COL6A1: variants seen among roughly 807,000 people sequenced by gnomAD.
The protein encoded by COL6A1 is collagen type VI alpha 1 chain.
COL6A1 carries 80 observed loss-of-function variants against 145.6 expected under a neutral mutation model. That is an observed-to-expected ratio of 0.55 (90% CI 0.46 to 0.66). The LOEUF (loss-of-function observed/expected upper bound fraction) is 0.66. Among genes scored for constraint, COL6A1 ranks in the 30% least tolerant of loss-of-function variants. The pLI is 0.00. For synonymous variants in COL6A1, 638 were observed against 622.8 expected (o/e 1.02, Z -0.36); for missense variants, 1,364 against 1,473.8 (o/e 0.93, Z 1.22).
chr21:45,987,511 G>T lies in COL6A1; in HGVS notation c.751G>T (p.Glu251Ter). ...NNVEQVCCSF[E>*]CQPARGPPGL... ...TTTCCCCCCACAGTGCTGCTCCTTC[G>T]AATGCCAGGTGAGTGTGCCCCCCGA... Residue 251 changes from glutamate to a stop codon, truncating the protein, a stop_gained, in exon 7 of 35, where the codon GAA becomes TAA. Transcript: ENST00000361866. LOFTEE classifies it high-confidence loss of function. The T allele has an allele frequency of 6.2e-7, 1 of 1,612,950 alleles. No homozygotes were observed. Among genetic ancestry groups the T allele is most frequent in the Non-Finnish European group, 8.5e-7 (1 of 1,179,962 alleles).
chr21:46,000,752 T>C lies in COL6A1; in HGVS notation c.1814-7T>C. ...CTGGTCTAACTGACTCTTTCTCTTC[T>C]CCTCAGCTTGCTGTGGTGAGACCCA... On this transcript the variant is annotated splice_region_variant and splice_polypyrimidine_tract_variant and intron_variant, in intron 28 of 34. Transcript: ENST00000361866. 1 of 1,613,912 alleles carries C rather than the reference T, an allele frequency of 6.2e-7. No homozygotes were observed. The highest frequency in any genetic ancestry group is 8.5e-7 in the Non-Finnish European group (1 of 1,179,888).
intron 21 of COL6A1, 100 bp downstream of exon 21, chr21:45,997,583 T>C (rs747986333): frequency 7.9e-5 from 122 of 1,535,436 alleles, no homozygotes; most frequent in Middle Eastern, 1.7e-4. Context: ...CTGAGGACTC[T>C]ATGGCCCTGG....
In COL6A1 at chr21:46,003,484, A is replaced by T; in HGVS notation, c.2558A>T (p.Lys853Met). The change falls in exon 35 of 35, where the codon AAG (lysine) becomes ATG (methionine). Residue 853 changes from lysine (K) to methionine (M), a missense_variant. By Grantham distance (95) the Lys-to-Met change is moderately conservative. This residue lies in a region of COL6A1 where 938 missense variants were observed against 1,003.8 expected (regional missense o/e 0.93). Coordinates refer to ENST00000361866, the MANE Select transcript of COL6A1 (RefSeq NM_001848.3). ...TTTGACACCACCAAGCGCTTCGCCA[A>T]GCGCCTGGCCGAGCGCTTCCTCACA... is the stretch of plus-strand genomic sequence containing the variant. ...HNFDTTKRFA[K>M]RLAERFLTAG... 6.2e-7 allele frequency: 1 copy of T among 1,610,092 alleles called. No individual in the cohort carries two copies.
intron 8 of COL6A1, 57 bp from the exon 9 acceptor site, chr21:45,989,027 G>A (rs2077758847): frequency 3.1e-6 from 5 of 1,592,708 alleles, no homozygotes; most frequent in East Asian, 2.2e-5. Context: ...TGTTTCGTGA[G>A]CCAGCTTTTT....
intron 8 of COL6A1, among the ~76,000 whole-genome samples, chr21:45,988,216 T>G: frequency 5.1e-5 from 1 of 19,464 alleles, no homozygotes; most frequent in African/African-American, 1.8e-4. Flanking sequence ...ACGGCGGGGG[T>G]CCAGATGGAG....
chr21:45,996,202 A>T (rs1177628593), intron 20 of COL6A1, among the ~76,000 whole-genome samples: 1 of 152,120 alleles, frequency 6.6e-6, no homozygotes, highest in Non-Finnish European at 1.5e-5. Flanking sequence ...CCTCCTTTCC[A>T]TCCTTCCTCC....
chr21:45,989,648 T>C lies in COL6A1; in HGVS notation c.899T>C (p.Met300Thr). The C allele has an allele frequency of 6.2e-7, 1 of 1,613,092 alleles. No homozygotes were observed. The highest frequency in any genetic ancestry group is 8.5e-7 in the Non-Finnish European group (1 of 1,179,984). ...CTCGGACCTGTTGGGTACCAGGGAA[T>C]GAAGGTACGTGCCCCCCCTTTCCTG... ...GDLGPVGYQG[M>T]KGEKGSRGEK... The change falls in exon 10 of 35, where the codon ATG (methionine) becomes ACG (threonine). Residue 300 changes from methionine to threonine, a missense_variant. Physicochemically the swap from Met to Thr is moderately conservative, Grantham distance 81. This residue lies in a region of COL6A1 where 414 missense variants were observed against 437.6 expected (regional missense o/e 0.95). Transcript: ENST00000361866.
Position 45,994,183 on chromosome 21 carries a change from A to G in COL6A1, c.1352A>G (p.Gln451Arg), listed in dbSNP as rs764235653. Residue 451 changes from glutamine (Q) to arginine (R), a missense_variant, in exon 20 of 35, where the codon CAG becomes CGG. Transcript: ENST00000361866. The surrounding 1 kb of genome is among the most constrained non-coding windows in gnomAD (Gnocchi z 6.8). ...PRGDPGEAGPQGDQGREGPVG... is the reference protein window; with the variant it reads ...PRGDPGEAGPRGDQGREGPVG... ...TCTCTTCAGGGTGAAGCTGGCCCGC[A>G]GGGTGATCAGGGAAGAGAAGGCCCC... The G allele has an allele frequency of 1.8e-5, 29 of 1,605,224 alleles. No individual in the cohort carries two copies. The highest frequency in any genetic ancestry group is 3.4e-5 in the South Asian group (3 of 89,060).
intron 2 of COL6A1, among the ~76,000 whole-genome samples, chr21:45,983,659 G>GT (rs1381933412): frequency 9.7e-6 from 1 of 102,662 alleles, no homozygotes; most frequent in African/African-American, 7.6e-5. Flanking sequence ...GGCAGTGTTT[G>GT]GGGGGGGGTC....
chr21:45,998,025 G>C, intron 22 of COL6A1, 96 bp from the exon 23 acceptor site: 2 of 1,472,278 alleles, frequency 1.4e-6, no homozygotes, highest in Non-Finnish European at 1.9e-6. Flanking sequence ...GGCTGACGGA[G>C]GGGCCCTGCG....
rs2077709388 is a variant in COL6A1 at position 45,981,931 on chromosome 21, G to C, written c.81G>C (p.Arg27Ser). Residue 27 changes from arginine to serine, a missense_variant, in exon 1 of 35, where the codon AGG becomes AGC. By Grantham distance (110) the Arg-to-Ser change is moderately radical. Coordinates refer to ENST00000361866, the MANE Select transcript of COL6A1 (RefSeq NM_001848.3). The stretch of plus-strand genomic sequence containing the variant: ...CGCAGGATGAGCCGGAGACCCCGAG[G>C]GCCGTGGCCTTCCAGGGTGAGTGGT... ...TAAQDEPETP[R>S]AVAFQDCPVD... is the part of the protein sequence containing the mutation. The C allele has an allele frequency of 1.2e-6, 2 of 1,607,444 alleles. No homozygotes were observed.
chr21:46,002,618 A>G lies in COL6A1; in HGVS notation c.2342A>G (p.Gln781Arg), dbSNP rs2077853718. 1 of 1,614,030 alleles carries G rather than the reference A, an allele frequency of 6.2e-7. No homozygotes were observed. Among genetic ancestry groups the G allele is most frequent in the South Asian group, 1.1e-5 (1 of 91,086 alleles). The change falls in exon 33 of 35, where the codon CAG becomes CGG. Residue 781 changes from glutamine to arginine, a missense_variant. Physicochemically the swap from Gln to Arg is conservative, Grantham distance 43. Around this residue, in one of 3 missense-constraint regions of COL6A1, gnomAD observed 938 missense variants for 1,003.8 expected, o/e 0.93. Coordinates refer to ENST00000361866, the MANE Select transcript of COL6A1 (RefSeq NM_001848.3). ...TCTTGCCAAGGCCTGGCACCATCCC[A>G]GGGCCGGCCCGGCCTCTCGCTGGTC... ...VISCQGLAPS[Q>R]GRPGLSLVKE...
Position 45,987,037 on chromosome 21 carries a change from A to G in COL6A1, c.682A>G (p.Ile228Val), listed in dbSNP as rs1301466889. Residue 228 changes from isoleucine to valine, a missense_variant, in exon 5 of 35, where the codon ATC becomes GTC. By Grantham distance (29) the Ile-to-Val change is conservative. Around this residue, in one of 3 missense-constraint regions of COL6A1, gnomAD observed 414 missense variants for 437.6 expected, o/e 0.95. Coordinates refer to ENST00000361866, the MANE Select transcript of COL6A1 (RefSeq NM_001848.3). The stretch of plus-strand genomic sequence containing the variant: ...CCAGAGCCGCGACGCAGAGGAGGCC[A>G]TCAGCCAGACCATCGACACCATCGT... ...WGQSRDAEEA[I>V]SQTIDTIVDM... 1 of 1,552,728 alleles carries G rather than the reference A, an allele frequency of 6.4e-7. No individual in the cohort carries two copies. Among genetic ancestry groups the G allele is most frequent in the Non-Finnish European group, 8.7e-7 (1 of 1,148,440 alleles).
At chr21:46,002,195 C>G in intron 31 of COL6A1, 23 bp from the exon 32 acceptor site, 1 of 1,587,630 alleles carries the variant, frequency 6.3e-7, no homozygotes, top group Non-Finnish European at 8.5e-7. Context: ...CCCAACCGGC[C>G]CTTCCTGCCC....
intron 3 of COL6A1, among the ~76,000 whole-genome samples, chr21:45,984,883 G>C (rs1193842718): frequency 6.6e-6 from 1 of 151,434 alleles, no homozygotes; most frequent in East Asian, 1.9e-4. Flanking sequence ...CAGAGGGACA[G>C]AGACAGGCAG....
chr21:45,989,714 C>T (rs764238847), intron 10 of COL6A1, 38 bp from the exon 11 acceptor site: 4 of 1,613,134 alleles, frequency 2.5e-6, no homozygotes, highest in African/African-American at 1.3e-5. Flanking sequence ...ACAGCACTAA[C>T]AAGCCTTCCT....
At chr21:45,985,710 G>T (rs2077735548) in intron 3 of COL6A1, among the ~76,000 whole-genome samples, 1 of 152,216 alleles carries the variant, frequency 6.6e-6, no homozygotes, top group Non-Finnish European at 1.5e-5. Context: ...GCCCTGTCCA[G>T]CCAGGCGGTG....
At chr21:45,999,524 G>T (rs1022161779) in intron 26 of COL6A1, 133 bp from the exon 27 acceptor site, 1 of 997,286 alleles carries the variant, frequency 1.0e-6, no homozygotes, top group East Asian at 2.6e-5. Context: ...GGAGGACGAG[G>T]GGCTGGGTAG....
rs751124572 is a variant in COL6A1, at chr21:46,003,444, G to T, written c.2518G>T (p.Val840Leu). The T allele has an allele frequency of 5.0e-6, 8 of 1,604,800 alleles. No homozygotes were observed. In the Middle Eastern group the frequency reaches 8.3e-4, roughly 166 times the overall value. The change falls in exon 35 of 35, where the codon GTG (valine) becomes TTG (leucine). Residue 840 changes from valine (V) to leucine (L), a missense_variant. Coordinates refer to ENST00000361866, the MANE Select transcript of COL6A1 (RefSeq NM_001848.3). ...ITILLDGSAS[V>L]GSHNFDTTKR... ...CATCCTGCTGGACGGCTCCGCCAGC[G>T]TGGGCAGCCACAACTTTGACACCAC...
Sources: gnomAD v4.1 joint callset for allele counts (sites outside exome capture counted in the v4.1 genomes callset) on GRCh38, gnomAD v4.1.1 for gene constraint, gnomAD v4.1.1 regional missense constraint, Gnocchi (gnomAD v3.1) non-coding constraint, MANE v1.5 for transcripts, NCBI Gene and HGNC (gene_info 2026-07-23, HGNC 2026-07-21) for gene names.